Variants in KDR observed in about 807,000 individuals in gnomAD.
KDR encodes vascular endothelial growth factor receptor 2.
A neutral mutation model predicts 160.9 loss-of-function variants in KDR; 43 were observed. That is an observed-to-expected ratio of 0.27 (90% CI 0.21 to 0.34). The LOEUF is 0.34. Ranked by LOEUF, KDR falls within the 10% of genes least tolerant of loss-of-function variation. The probability of loss-of-function intolerance (pLI) is 1.00; values close to 1 mark genes in which losing one functional copy is unlikely to be tolerated. For missense variants in KDR, 1,469 were observed against 1,666.4 expected (o/e 0.88, Z 2.06); for synonymous variants, 617 against 600.1 (o/e 1.03, Z -0.41).
In KDR at chr4:55,094,461, C is replaced by T. The variant is rs144171329; in HGVS notation, c.2971+341G>A. The stretch of plus-strand genomic sequence containing the variant: ...CAAACCACTCTGGGGCTCTCCAAGG[C>T]AATGGAGAGGCTAGTCAACTACCAG... On this transcript the variant is annotated intron_variant, in intron 21 of 29. Transcript: ENST00000263923. Among the ~76,000 whole-genome samples, 413 of 152,232 alleles carry T rather than the reference C, an allele frequency of 2.7e-3. 1 individual carries two copies. Among genetic ancestry groups the T allele is most frequent in the African/African-American group, 9.4e-3 (392 of 41,530 alleles).
At chr4:55,121,625 T>C (rs1272268139) in intron 1 of KDR, among the ~76,000 whole-genome samples, 1 of 152,220 alleles carries the variant, frequency 6.6e-6, no homozygotes, top group Non-Finnish European at 1.5e-5. Flanking sequence ...TTTATATAGT[T>C]CATCTACGTA....
chr4:55,089,342 A>G, intron 25 of KDR, 32 bp downstream of exon 25: 1 of 1,500,496 alleles, frequency 6.7e-7, no homozygotes, highest in African/African-American at 1.4e-5. Flanking sequence ...GAGCAAAGAA[A>G]GAGAACACAG....
At chr4:55,107,985 G>T in intron 9 of KDR, 92 bp from the exon 10 acceptor site, 3 of 1,447,282 alleles carry the variant, frequency 2.1e-6, no homozygotes, top group Non-Finnish European at 2.9e-6. Context: ...CTTTCTTTAA[G>T]CATATGATTT....
intron 2 of KDR, 51 bp from the exon 3 acceptor site, chr4:55,118,851 G>T: frequency 2.0e-6 from 3 of 1,473,494 alleles, no homozygotes; most frequent in Non-Finnish European, 1.9e-6. Flanking sequence ...AGACTGTGAG[G>T]CTATTTCTAA....
Position 55,118,621 on chromosome 4 carries a change from A to G in KDR, c.341T>C (p.Ile114Thr). 1 of 1,613,930 alleles carries G rather than the reference A, an allele frequency of 6.2e-7. No individual in the cohort carries two copies. Among genetic ancestry groups the G allele is most frequent in the Non-Finnish European group, 8.5e-7 (1 of 1,179,786 alleles). ...CCACTTACCTTGAACATAGACATAAATGACCGAGGCCAAGTCAGTTTCCCG... is the reference window on the plus strand; with the variant it reads ...CCACTTACCTTGAACATAGACATAAGTGACCGAGGCCAAGTCAGTTTCCCG... The part of the protein sequence containing the change: ...FYRETDLASV[I>T]YVYVQDYRSP... The change falls in exon 3 of 30, where the codon ATT (isoleucine) becomes ACT (threonine). Residue 114 changes from isoleucine (I) to threonine (T), a missense_variant. Physicochemically the swap from Ile to Thr is moderately conservative, Grantham distance 89. This residue lies in a region of KDR where 792 missense variants were observed against 840.9 expected (regional missense o/e 0.94). Transcript: ENST00000263923.
chr4:55,095,404 CA>C (rs1331025444), intron 20 of KDR, among the ~76,000 whole-genome samples, 172 bp downstream of exon 20: 3 of 152,140 alleles, frequency 2.0e-5, no homozygotes, highest in African/African-American at 7.2e-5. Context: ...ATACATAAAA[CA>C]GAAACATATG....
chr4:55,111,064 C>T (rs578090650), intron 7 of KDR, among the ~76,000 whole-genome samples: 1 of 152,144 alleles, frequency 6.6e-6, no homozygotes, highest in South Asian at 2.1e-4. Flanking sequence ...TTCTCTAAGT[C>T]CCCCAGGGAT....
At chr4:55,105,784 C>T in intron 12 of KDR, 48 bp downstream of exon 12, 1 of 1,097,414 alleles carries the variant, frequency 9.1e-7, no homozygotes, top group Non-Finnish European at 1.4e-6. Context: ...TAGCTTAGTA[C>T]CCACTGTGTG....
rs535681250 is a variant in KDR, at chr4:55,112,750, G to A, written c.976+554C>T. 1.2e-3 allele frequency among the ~76,000 whole-genome samples: 182 copies of A among 152,008 alleles called. 1 individual carries two copies. The highest frequency in any genetic ancestry group is 2.5e-3 in the South Asian group (12 of 4,806). ...CCACCATGTTGACCAGGCTGGTTTCGAACTCCTGATCTCAGGTGATCCACC... is the reference window on the plus strand; with the variant it reads ...CCACCATGTTGACCAGGCTGGTTTCAAACTCCTGATCTCAGGTGATCCACC... On this transcript the variant is annotated intron_variant, in intron 7 of 29. Transcript: ENST00000263923.
chr4:55,107,757 T>C lies in KDR; in HGVS notation c.1392A>G (p.Glu464=). The C allele has an allele frequency of 6.2e-7, 1 of 1,613,968 alleles. No individual in the cohort carries two copies. The highest frequency in any genetic ancestry group is 1.1e-5 in the South Asian group (1 of 91,074). ...CTCACCTGGGCTCGTTGGCGCACTC[T>C]TCCTCCAACTGCCAATACCAGTGGA... ...HHIHWYWQLE[E]ECANEPSQAV... is the part of the protein sequence containing the mutation. The change falls in exon 10 of 30, where the codon GAA becomes GAG. Residue 464 remains glutamate (E), a synonymous_variant. Coordinates refer to ENST00000263923, the MANE Select transcript of KDR (RefSeq NM_002253.4).
At position 55,086,681 on chromosome 4, in the gene KDR, T is replaced by C. The variant is rs1223170383; in HGVS notation, c.3662+926A>G. Among the ~76,000 whole-genome samples, 4 of 152,134 alleles carry C rather than the reference T, an allele frequency of 2.6e-5. No homozygotes were observed. The East Asian group carries it at 5.8e-4, about 22-fold the overall frequency. On this transcript the variant is annotated intron_variant, in intron 27 of 29. Transcript: ENST00000263923. ...GGCTTCTAAGCTTTCTTCCTTCCCA[T>C]CAGTGTTTCTGCTGCCCCACACGAC...
chr4:55,100,201 A>G (rs1185724957), intron 15 of KDR, among the ~76,000 whole-genome samples: 1 of 152,156 alleles, frequency 6.6e-6, no homozygotes, highest in African/African-American at 2.4e-5. Context: ...TGGTTTGCAA[A>G]ATAAGTAACA....
At chr4:55,111,265 T>G (rs959021689) in intron 7 of KDR, among the ~76,000 whole-genome samples, 1 of 152,218 alleles carries the variant, frequency 6.6e-6, no homozygotes, top group Admixed American at 6.5e-5. Flanking sequence ...CGGGTTGATA[T>G]GTTAAATATC....
intron 24 of KDR, 97 bp from the exon 25 acceptor site, chr4:55,089,570 A>T (rs969502102): frequency 1.2e-5 from 14 of 1,211,534 alleles, no homozygotes; most frequent in Non-Finnish European, 1.4e-5. Context: ...CTATGTATCT[A>T]TTTTTTTTTT....
Position 55,114,112 on chromosome 4 carries a change from A to G in KDR, c.798+14T>C, listed in dbSNP as rs770448278. On this transcript the variant is annotated intron_variant, in intron 6 of 29. Transcript: ENST00000263923. ...TAAGTATTTGGAGGTCTGGCTTTGAATCATTAGCGTTACCTTCGAAGAAGG... is the reference window on the plus strand; with the variant it reads ...TAAGTATTTGGAGGTCTGGCTTTGAGTCATTAGCGTTACCTTCGAAGAAGG... 6 of 1,613,854 alleles carry G rather than the reference A, an allele frequency of 3.7e-6. No individual in the cohort carries two copies. Among genetic ancestry groups the G allele is most frequent in the Admixed American group, 3.3e-5 (2 of 60,002 alleles).
intron 11 of KDR, 40 bp downstream of exon 11, chr4:55,106,647 A>G: frequency 7.2e-7 from 1 of 1,391,378 alleles, no homozygotes; most frequent in Non-Finnish European, 1.0e-6. Flanking sequence ...CCTTCCATTA[A>G]AGAGAGAGAG....
Sources: gnomAD v4.1 joint callset for allele counts (sites outside exome capture counted in the v4.1 genomes callset) on GRCh38, gnomAD v4.1.1 for gene constraint, gnomAD v4.1.1 regional missense constraint, MANE v1.5 for transcripts, NCBI Gene and HGNC (gene_info 2026-07-23, HGNC 2026-07-21) for gene names.